TAF6L: variants seen among roughly 807,000 people sequenced by gnomAD.
TAF6L encodes TATA-box binding protein associated factor 6 like.
In TAF6L, 34 loss-of-function variants were observed where a neutral mutation model predicts 57.3. The ratio of observed to expected loss-of-function variants is 0.59; its 90% confidence interval spans 0.45 to 0.79. The LOEUF (loss-of-function observed/expected upper bound fraction) is 0.79. Ranked by LOEUF, TAF6L falls within the 30% of genes least tolerant of loss-of-function variation. The pLI is 0.00. For synonymous variants in TAF6L, 417 were observed against 376.3 expected (o/e 1.11, Z -1.25); for missense variants, 782 against 853.2 (o/e 0.92, Z 1.04).
At chr11:62,778,260 A>G (rs1021368946) in intron 4 of TAF6L, 25 bp from the exon 5 acceptor site, 1 of 1,614,142 alleles carries the variant, frequency 6.2e-7, no homozygotes, top group Non-Finnish European at 8.5e-7. Context: ...CGCCAGGCTG[A>G]CACATCTCTC....
intron 9 of TAF6L, among the ~76,000 whole-genome samples, chr11:62,784,119 G>T (rs777906117): frequency 2.6e-4 from 38 of 143,790 alleles, no homozygotes; most frequent in Middle Eastern, 7.2e-3. Flanking sequence ...CTCCTGAGTA[G>T]CTGGGACTTA....
chr11:62,775,894 A>G lies in TAF6L; in HGVS notation c.111A>G (p.Ala37=), dbSNP rs2134701884. 1 of 1,613,910 alleles carries G rather than the reference A, an allele frequency of 6.2e-7. No individual in the cohort carries two copies. ...GCGATGAGGTGGCGGCGCTGCTCGC[A>G]GAGGACGTGTGCTATCGTCTGAGAG... ...ELSDEVAALL[A]EDVCYRLREA... The change falls in exon 2 of 11, where the codon GCA becomes GCG. Residue 37 remains alanine, a synonymous_variant. Transcript: ENST00000294168.
Position 62,778,109 on chromosome 11 carries a change from T to C in TAF6L, c.366T>C (p.Cys122=). The change falls in exon 4 of 11, where the codon TGT becomes TGC. Residue 122 remains cysteine (C), a synonymous_variant. Transcript: ENST00000294168. Reference sequence around the variant, plus strand: ...TGGCTACCAACATCCCCAAAGGCTGTGCTGAGACAGCTGTCAGAGGTGGCT... The same window carrying C: ...TGGCTACCAACATCCCCAAAGGCTGCGCTGAGACAGCTGTCAGAGGTGGCT... The part of the protein sequence containing the change: ...LALATNIPKG[C]AETAVRVHVS... 6.2e-7 allele frequency: 1 copy of C among 1,614,150 alleles called. No homozygotes were observed. The highest frequency in any genetic ancestry group is 8.5e-7 in the Non-Finnish European group (1 of 1,180,020).
chr11:62,777,796 C>T (rs575095951), intron 3 of TAF6L, among the ~76,000 whole-genome samples, 182 bp from the exon 4 acceptor site: 2 of 152,284 alleles, frequency 1.3e-5, no homozygotes, highest in Admixed American at 1.3e-4. Flanking sequence ...CAGGGAGCCC[C>T]GGATGCTCCA....
At chr11:62,777,826 C>T in intron 3 of TAF6L, 152 bp from the exon 4 acceptor site, 2 of 901,716 alleles carry the variant, frequency 2.2e-6, no homozygotes, top group Non-Finnish European at 3.3e-6. Context: ...CCAGTGGTGG[C>T]TCTGAGTCCC....
chr11:62,787,308 C>G lies in TAF6L; in HGVS notation c.*12C>G. 1 of 1,530,746 alleles carries G rather than the reference C, an allele frequency of 6.5e-7. No homozygotes were observed. Among genetic ancestry groups the G allele is most frequent in the East Asian group, 2.3e-5 (1 of 43,164 alleles). The allele number at this position is 1,530,746 out of a possible 1,614,324, so 94.8% of individuals were successfully genotyped here. A position where few individuals can be genotyped will look rare whatever the true frequency, so the allele number is the denominator to read the frequency against. On this transcript the variant is annotated 3_prime_UTR_variant, in exon 11 of 11. Transcript: ENST00000294168. ...ACTTGCCGCTCTGAGTCAGTGGCCCCTTCGTTCCTTGTAAATAAATCCCGC... is the reference window on the plus strand; with the variant it reads ...ACTTGCCGCTCTGAGTCAGTGGCCCGTTCGTTCCTTGTAAATAAATCCCGC...
chr11:62,775,553 C>G (rs2084179973), intron 1 of TAF6L: 2 of 514,396 alleles, frequency 3.9e-6, no homozygotes, highest in Non-Finnish European at 6.9e-6. Flanking sequence ...GTTCTGTGAA[C>G]CCCAACACTT....
At chr11:62,782,048 T>C (rs980701386) in intron 7 of TAF6L, 65 bp from the exon 8 acceptor site, 105 of 1,592,320 alleles carry the variant, frequency 6.6e-5, no homozygotes, top group Non-Finnish European at 8.3e-5. Context: ...TGGCAAGTGC[T>C]GTCAGAATGG....
intron 9 of TAF6L, among the ~76,000 whole-genome samples, chr11:62,785,135 G>A (rs549326270): frequency 1.3e-5 from 2 of 151,410 alleles, no homozygotes; most frequent in Admixed American, 1.3e-4. Context: ...ACTGCACCTC[G>A]CCTATCTTTT....
chr11:62,776,563 A>G, intron 3 of TAF6L, 93 bp downstream of exon 3: 2 of 1,308,774 alleles, frequency 1.5e-6, no homozygotes, highest in Non-Finnish European at 2.2e-6. Flanking sequence ...CATTAAGACC[A>G]AACGCTGCCG....
chr11:62,782,532 C>A, intron 8 of TAF6L, 161 bp from the exon 9 acceptor site: 1 of 1,143,268 alleles, frequency 8.7e-7, no homozygotes, highest in Non-Finnish European at 1.2e-6. Flanking sequence ...ATTGGTTCTT[C>A]AGCCCTCAGG....
At position 62,787,255 on chromosome 11, in the gene TAF6L, C is replaced by T. The variant is rs1376414412; in HGVS notation, c.1828C>T (p.Arg610Trp). The T allele has an allele frequency of 3.8e-6, 6 of 1,566,840 alleles. No homozygotes were observed. The highest frequency in any genetic ancestry group is 4.3e-6 in the Non-Finnish European group (5 of 1,164,472). ...CGGCCGTACCAGCCGCCCCGCCCGC[C>T]GGTGGGCGCTCTCGGACTACTCGCT... ...MIGRTSRPAR[R>W]WALSDYSLYL... The change falls in exon 11 of 11, where the codon CGG (arginine) becomes TGG (tryptophan). Residue 610 changes from arginine (R) to tryptophan (W), a missense_variant. This residue lies in a region of TAF6L where 483 missense variants were observed against 445.1 expected (regional missense o/e 1.09). Coordinates refer to ENST00000294168, the MANE Select transcript of TAF6L (RefSeq NM_006473.4).
intron 1 of TAF6L, chr11:62,774,807 G>T (rs2084173311): frequency 3.0e-6 from 1 of 331,324 alleles, no homozygotes; most frequent in Non-Finnish European, 6.3e-6. Context: ...AAATTAGCTG[G>T]GCGTGGTGGC....
In TAF6L at chr11:62,787,125, G is replaced by A. The variant is rs750879557; in HGVS notation, c.1698G>A (p.Gly566=). 1.3e-6 allele frequency: 2 copies of A among 1,558,830 alleles called. No individual in the cohort carries two copies. Among genetic ancestry groups the A allele is most frequent in the Non-Finnish European group, 1.7e-6 (2 of 1,160,716 alleles). The stretch of plus-strand genomic sequence containing the variant: ...CGCACTTTCGTTTCATCATAGCCGG[G>A]CGGCAGGCTGGGAGGCGCTGCCGCG... The part of the protein sequence containing the change: ...GAPHFRFIIA[G]RQAGRRCRGR... Residue 566 remains glycine (G), a synonymous_variant, in exon 11 of 11, where the codon GGG becomes GGA. Transcript: ENST00000294168.
At chr11:62,785,636 GT>G (rs1455005221) in intron 9 of TAF6L, among the ~76,000 whole-genome samples, 1 of 151,664 alleles carries the variant, frequency 6.6e-6, no homozygotes, top group African/African-American at 2.4e-5. Context: ...CCGAGTTCAA[GT>G]GATTCTCCTG....
At chr11:62,772,895 T>C (rs115549254) in intron 1 of TAF6L, among the ~76,000 whole-genome samples, 3,355 of 152,086 alleles carry the variant, frequency 0.022, 118 homozygotes, top group African/African-American at 0.077. Flanking sequence ...GTGTTTTTTT[T>C]GAGACTGAGT....
chr11:62,777,207 A>T (rs1034895694), intron 3 of TAF6L, among the ~76,000 whole-genome samples: 10 of 152,136 alleles, frequency 6.6e-5, no homozygotes, highest in African/African-American at 2.4e-4. Flanking sequence ...GGCACCTGTA[A>T]TCCCAACTAC....
At chr11:62,777,030 CCA>C (rs2084193264) in intron 3 of TAF6L, among the ~76,000 whole-genome samples, 1 of 151,668 alleles carries the variant, frequency 6.6e-6, no homozygotes, top group African/African-American at 2.4e-5. Context: ...GCCTGTAACC[CCA>C]GTTACTCAGG....
rs1188808927 is a variant in TAF6L at position 62,778,305 on chromosome 11, G to A, written c.406G>A (p.Gly136Ser). 2 of 1,614,062 alleles carry A rather than the reference G, an allele frequency of 1.2e-6. No individual in the cohort carries two copies. Among genetic ancestry groups the A allele is most frequent in the Admixed American group, 3.3e-5 (2 of 59,994 alleles). ...TCTAGTTCATGTCTCCTACCTGGATGGCAAAGGGAACCTGGCACCTCAAGG... is the reference window on the plus strand; with the variant it reads ...TCTAGTTCATGTCTCCTACCTGGATAGCAAAGGGAACCTGGCACCTCAAGG... ...AVRVHVSYLD[G>S]KGNLAPQGSV... is the part of the protein sequence containing the mutation. The change falls in exon 5 of 11, where the codon GGC becomes AGC. Residue 136 changes from glycine (G) to serine (S), a missense_variant. Gly to Ser is a moderately conservative substitution (Grantham distance 56). Transcript: ENST00000294168.
Sources: allele counts gnomAD v4.1 joint callset (sites outside exome capture counted in the v4.1 genomes callset), GRCh38; gene constraint gnomAD v4.1.1; regional missense constraint gnomAD v4.1.1; transcripts MANE v1.5; gene names NCBI Gene and HGNC (gene_info 2026-07-23, HGNC 2026-07-21).